Variants in YES1 observed in about 807,000 individuals in gnomAD.
YES1 encodes the protein tyrosine-protein kinase Yes.
A neutral mutation model predicts 70.4 loss-of-function variants in YES1; 39 were observed. That is an observed-to-expected ratio of 0.55 (90% CI 0.43 to 0.72). The LOEUF (loss-of-function observed/expected upper bound fraction) is 0.72, where lower values mean the gene tolerates loss of function less well. Ranked by LOEUF, YES1 falls within the 30% of genes least tolerant of loss-of-function variation. The probability of loss-of-function intolerance (pLI) is 0.00; values close to 1 mark genes in which losing one functional copy is unlikely to be tolerated. For synonymous variants in YES1, 198 were observed against 218.6 expected, an observed-to-expected ratio of 0.91 and a Z score of 0.83; for missense variants, 495 against 644.8, an observed-to-expected ratio of 0.77 and a Z score of 2.52.
chr18:797,406 A>G lies in YES1; in HGVS notation c.-9+14708T>C, dbSNP rs530451435. 2.0e-4 allele frequency among the ~76,000 whole-genome samples: 30 copies of G among 152,282 alleles called. No individual in the cohort carries two copies. The East Asian group carries it at 5.4e-3, about 27-fold the overall frequency. On this transcript the variant is annotated intron_variant, in intron 1 of 11. Transcript: ENST00000314574. ...GGCTCTGTTTATCACCAAAAGAAAA[A>G]GCAACACCTATCATGCCATTAGAAC...
chr18:729,379 T>C (rs1273545846), intron 11 of YES1, among the ~76,000 whole-genome samples: 1 of 151,836 alleles, frequency 6.6e-6, no homozygotes, highest in Non-Finnish European at 1.5e-5. Context: ...CGTGCCACTG[T>C]ACTCCAGCCT....
chr18:776,826 T>C (rs939002419), intron 1 of YES1, among the ~76,000 whole-genome samples: 3 of 152,194 alleles, frequency 2.0e-5, no homozygotes, highest in African/African-American at 7.2e-5. Context: ...GAACTCTGTC[T>C]GTAACACTCC....
At chr18:731,953 C>G (rs1401150806) in intron 11 of YES1, among the ~76,000 whole-genome samples, 3 of 109,408 alleles carry the variant, frequency 2.7e-5, no homozygotes, top group Admixed American at 2.7e-4. Flanking sequence ...GGCGACAGAG[C>G]GAGACTCCAT....
chr18:723,546 A>G lies in YES1; in HGVS notation c.*878T>C, dbSNP rs1220386291. 6.6e-6 allele frequency: 1 copy of G among 152,624 alleles called. No homozygotes were observed. Among genetic ancestry groups the G allele is most frequent in the Non-Finnish European group, 1.5e-5 (1 of 68,048 alleles). The allele number at this position is 152,624 out of a possible 1,614,324, so 9.5% of individuals were successfully genotyped here. On this transcript the variant is annotated 3_prime_UTR_variant, in exon 12 of 12. Coordinates refer to ENST00000314574, the MANE Select transcript of YES1 (RefSeq NM_005433.4). ...ACATATAAGCAATACTCACAGTACG[A>G]AGTCTAGTTTTTAAAAAGGGCTTTT...
chr18:800,635 G>A (rs1206733177), intron 1 of YES1, among the ~76,000 whole-genome samples: 3 of 152,208 alleles, frequency 2.0e-5, no homozygotes, highest in Admixed American at 6.5e-5. Flanking sequence ...AGGCTACTAA[G>A]ATGGTGAAGA....
chr18:782,900 A>G (rs1905746363), intron 1 of YES1, among the ~76,000 whole-genome samples: 1 of 152,112 alleles, frequency 6.6e-6, no homozygotes, highest in Non-Finnish European at 1.5e-5. Flanking sequence ...TCGCCATATT[A>G]GCCACTCCTA....
Position 807,840 on chromosome 18 carries a change from A to G in YES1, c.-9+4274T>C, listed in dbSNP as rs370701863. ...GTAGAGTCCAAAGAACCTATATGCC[A>G]GCAATTCTACTCCCCTCCCCTAAAC... On this transcript the variant is annotated intron_variant, in intron 1 of 11. Transcript: ENST00000314574. Among the ~76,000 whole-genome samples the G allele has an allele frequency of 2.6e-5, 4 of 152,338 alleles. No individual in the cohort carries two copies. The East Asian group carries it at 5.8e-4, about 22-fold the overall frequency.
In YES1 at chr18:724,519, G is replaced by C. The variant is rs916338191; in HGVS notation, c.1537C>G (p.Pro513Ala). Reference sequence around the variant, plus strand: ...TATTCAAATGTTGGTCTTTCATCAGGGTCCTTCTTCCAACACAGATTCATC... The same window carrying C: ...TATTCAAATGTTGGTCTTTCATCAGCGTCCTTCTTCCAACACAGATTCATC... ...ELMNLCWKKD[P>A]DERPTFEYIQ... The change falls in exon 12 of 12, where the codon CCT becomes GCT. Residue 513 changes from proline (P) to alanine (A), a missense_variant. Coordinates refer to ENST00000314574, the MANE Select transcript of YES1 (RefSeq NM_005433.4). The C allele has an allele frequency of 1.2e-6, 2 of 1,613,786 alleles. No individual in the cohort carries two copies. The highest frequency in any genetic ancestry group is 1.7e-6 in the Non-Finnish European group (2 of 1,179,982).
intron 4 of YES1, 91 bp from the exon 5 acceptor site, chr18:746,142 G>T: frequency 1.1e-6 from 1 of 878,718 alleles, no homozygotes; most frequent in Non-Finnish European, 1.8e-6. Context: ...GGATAGGTTT[G>T]GACGACAAAG....
chr18:746,079 G>T (rs1252450951), intron 4 of YES1, 28 bp from the exon 5 acceptor site: 2 of 1,556,784 alleles, frequency 1.3e-6, no homozygotes, highest in East Asian at 4.5e-5. Flanking sequence ...GTTTTGAATT[G>T]AAAAGTATGA....
rs1479616196 is a variant in YES1, at chr18:757,458, G to A, written c.-8-623C>T. Among the ~76,000 whole-genome samples the A allele has an allele frequency of 8.1e-5, 12 of 147,924 alleles. No homozygotes were observed. The East Asian group carries it at 9.9e-4, about 12-fold the overall frequency. On this transcript the variant is annotated intron_variant, in intron 1 of 11. Coordinates refer to ENST00000314574, the MANE Select transcript of YES1 (RefSeq NM_005433.4). ...GCGGAGCTTGCAGTGAGCAGAGATC[G>A]CGCCACTGCACTCCAGCCTGGGCGA...
At chr18:748,868 C>T (rs2080310163) in intron 3 of YES1, among the ~76,000 whole-genome samples, 1 of 152,074 alleles carries the variant, frequency 6.6e-6, no homozygotes, top group Non-Finnish European at 1.5e-5. Context: ...AAGTTAAAAA[C>T]TGAATTTCTG....
chr18:772,485 T>C (rs984186862), intron 1 of YES1, among the ~76,000 whole-genome samples: 3 of 151,882 alleles, frequency 2.0e-5, no homozygotes, highest in African/African-American at 7.3e-5. Context: ...CAGGCTAGAG[T>C]GCAATGGTGC....
intron 11 of YES1, among the ~76,000 whole-genome samples, chr18:730,997 T>C (rs2080082214): frequency 1.3e-5 from 2 of 152,124 alleles, no homozygotes; most frequent in African/African-American, 4.8e-5. Flanking sequence ...CTAGGGAATT[T>C]AAGGAGTAGA....
intron 1 of YES1, among the ~76,000 whole-genome samples, chr18:803,478 C>A (rs973591544): frequency 2.0e-5 from 3 of 152,188 alleles, no homozygotes; most frequent in Non-Finnish European, 1.5e-5. Flanking sequence ...TTTTCCCAAA[C>A]CCTTTTCTAC....
intron 1 of YES1, among the ~76,000 whole-genome samples, chr18:757,759 T>C (rs1034919688): frequency 2.0e-5 from 3 of 151,354 alleles, no homozygotes; most frequent in African/African-American, 4.9e-5. Flanking sequence ...GAGGAAGAGG[T>C]TGCAGTAAGC....
chr18:738,093 TAG>T (rs1338421722), intron 9 of YES1: 1 of 151,946 alleles, frequency 6.6e-6, no homozygotes, highest in African/African-American at 2.4e-5. Flanking sequence ...TCCCCTACCA[TAG>T]AGTGTCTAAC....
chr18:762,643 A>G (rs1904654315), intron 1 of YES1, among the ~76,000 whole-genome samples: 1 of 152,182 alleles, frequency 6.6e-6, no homozygotes, highest in African/African-American at 2.4e-5. Flanking sequence ...AAAAAAAACT[A>G]TATACTGGGT....
chr18:754,521 C>T lies in YES1; in HGVS notation c.271+2036G>A, dbSNP rs550829331. ...AGGAGTTTAAGACCAGCCTGGCCAA[C>T]GTGGTGAAACCCCGTCTCTACTAAA... On this transcript the variant is annotated intron_variant, in intron 2 of 11. Transcript: ENST00000314574. 6.9e-4 allele frequency among the ~76,000 whole-genome samples: 105 copies of T among 152,146 alleles called. 1 individual carries two copies. The highest frequency in any genetic ancestry group is 1.6e-3 in the Admixed American group (25 of 15,264).
Sources: gnomAD v4.1 joint callset for allele counts (sites outside exome capture counted in the v4.1 genomes callset) on GRCh38, gnomAD v4.1.1 for gene constraint, MANE v1.5 for transcripts, NCBI Gene and HGNC (gene_info 2026-07-23, HGNC 2026-07-21) for gene names.